Variants in TMC1 observed in about 807,000 individuals in gnomAD.
The protein encoded by TMC1 is transmembrane channel-like protein 1.
TMC1 carries 84 observed loss-of-function variants against 105.8 expected under a neutral mutation model. That is an observed-to-expected ratio of 0.79 (90% CI 0.67 to 0.95). The LOEUF (loss-of-function observed/expected upper bound fraction) is 0.95. Among genes scored for constraint, TMC1 ranks in the 40% least tolerant of loss-of-function variants. The pLI, the probability that TMC1 is intolerant of heterozygous loss-of-function variation, is 0.00. For synonymous variants in TMC1, 315 were observed against 311.5 expected (o/e 1.01, Z -0.12); for missense variants, 817 against 914.1 (o/e 0.89, Z 1.37).
At chr9:72,615,703 A>T (rs1394255619) in intron 2 of TMC1, among the ~76,000 whole-genome samples, 3 of 152,052 alleles carry the variant, frequency 2.0e-5, no homozygotes, top group Non-Finnish European at 4.4e-5. Context: ...ATACTCCCCA[A>T]ATTCACAGAA....
intron 5 of TMC1, chr9:72,651,177 A>G (rs920465549): frequency 2.6e-5 from 4 of 151,372 alleles, no homozygotes; most frequent in African/African-American, 4.9e-5. Flanking sequence ...GGACAGAACA[A>G]GTCAACTGGC....
chr9:72,554,282 A>G (rs1823897461), intron 1 of TMC1, among the ~76,000 whole-genome samples: 1 of 152,046 alleles, frequency 6.6e-6, no homozygotes, highest in Non-Finnish European at 1.5e-5. Context: ...TTTTCCTTAA[A>G]TTTTTGCCCC....
intron 8 of TMC1, among the ~76,000 whole-genome samples, chr9:72,733,084 A>C (rs999253141): frequency 1.3e-5 from 2 of 152,158 alleles, no homozygotes; most frequent in Non-Finnish European, 1.5e-5. Context: ...ACAGAATTTA[A>C]TACGATGTTG....
At chr9:72,778,031 C>A (rs753892568) in intron 13 of TMC1, among the ~76,000 whole-genome samples, 8 of 152,206 alleles carry the variant, frequency 5.3e-5, no homozygotes, top group Non-Finnish European at 1.2e-4. Flanking sequence ...TCATGGTGAG[C>A]AAAATAAAGT....
chr9:72,596,411 A>T (rs1824720545), intron 2 of TMC1, among the ~76,000 whole-genome samples: 1 of 152,082 alleles, frequency 6.6e-6, no homozygotes, highest in South Asian at 2.1e-4. Flanking sequence ...AGAACTAATC[A>T]TGTTGTCCCA....
chr9:72,808,097 G>A (rs1246593865), intron 18 of TMC1, among the ~76,000 whole-genome samples: 1 of 152,202 alleles, frequency 6.6e-6, no homozygotes, highest in Non-Finnish European at 1.5e-5. Context: ...AAATCTTCCA[G>A]TGGCTTCTCA....
At chr9:72,573,540 GA>G (rs1453093663) in intron 1 of TMC1, among the ~76,000 whole-genome samples, 2 of 152,170 alleles carry the variant, frequency 1.3e-5, no homozygotes, top group East Asian at 3.9e-4. Context: ...GTAAACTTTG[GA>G]AGAGAACATA....
rs139603567 is a variant in TMC1, at chr9:72,638,881, G to A, written c.-52-9716G>A. On this transcript the variant is annotated intron_variant, in intron 4 of 23. Transcript: ENST00000297784. ...ATTCCTTCTCACTCCCTGCAAATTAGTGGCATTTTAGTTTACTTAAATGCA... is the reference window on the plus strand; with the variant it reads ...ATTCCTTCTCACTCCCTGCAAATTAATGGCATTTTAGTTTACTTAAATGCA... Among the ~76,000 whole-genome samples, 536 of 152,180 alleles carry A rather than the reference G, an allele frequency of 3.5e-3. 2 individuals carry two copies. Among genetic ancestry groups the A allele is most frequent in the Non-Finnish European group, 6.3e-3 (430 of 68,006 alleles).
intron 3 of TMC1, among the ~76,000 whole-genome samples, chr9:72,618,180 C>G (rs1455097174): frequency 6.6e-6 from 1 of 151,734 alleles, no homozygotes. Context: ...AGGTGCCCAC[C>G]ACCACGCCCG....
intron 12 of TMC1, among the ~76,000 whole-genome samples, chr9:72,770,608 A>G (rs1473457846): frequency 1.3e-5 from 2 of 151,668 alleles, no homozygotes; most frequent in Non-Finnish European, 2.9e-5. Flanking sequence ...ATAAGTTAAT[A>G]TAAATAATAG....
rs1564499726 is a variant in TMC1 at position 72,700,590 on chromosome 9, T to G, written c.309T>G (p.Ile103Met). Residue 103 changes from isoleucine (I) to methionine (M), a missense_variant, in exon 8 of 24, where the codon ATT becomes ATG. Physicochemically the swap from Ile to Met is conservative, Grantham distance 10 (BLOSUM62 1). Transcript: ENST00000297784. ...KAELDEKRQI[I>M]ATVKCKPWKM... ...AGTTAGATGAGAAAAGACAAATAAT[T>G]GCTACTGTCAAATGCAAACCATGGA... 2.5e-6 allele frequency: 4 copies of G among 1,608,848 alleles called. No homozygotes were observed. Among genetic ancestry groups the G allele is most frequent in the Admixed American group, 1.7e-5 (1 of 59,822 alleles).
rs181692432 is a variant in TMC1, at chr9:72,685,241, G to T, written c.17-3468G>T. 3.2e-3 allele frequency among the ~76,000 whole-genome samples: 487 copies of T among 151,032 alleles called. 4 individuals carry two copies. Among genetic ancestry groups the T allele is most frequent in the African/African-American group, 0.011 (452 of 41,126 alleles). On this transcript the variant is annotated intron_variant, in intron 5 of 23. Transcript: ENST00000297784. ...CCTGTTTCAGCCTCCCGAGTAGCTGGGACTACAGGCGCCCACCACCACACC... is the reference window on the plus strand; with the variant it reads ...CCTGTTTCAGCCTCCCGAGTAGCTGTGACTACAGGCGCCCACCACCACACC...
At chr9:72,638,300 C>A (rs1180550296) in intron 4 of TMC1, among the ~76,000 whole-genome samples, 1 of 152,184 alleles carries the variant, frequency 6.6e-6, no homozygotes, top group Non-Finnish European at 1.5e-5. Context: ...TGCATTCATT[C>A]CCTGAGTAAC....
At chr9:72,754,988 TAAGA>T (rs1827649565) in intron 12 of TMC1, 104 bp downstream of exon 12, 1 of 694,082 alleles carries the variant, frequency 1.4e-6, no homozygotes, top group Non-Finnish European at 2.5e-6. Flanking sequence ...CTGAATGTCT[TAAGA>T]AAGACGTCCC....
chr9:72,637,879 G>A (rs1163608150), intron 4 of TMC1, among the ~76,000 whole-genome samples: 1 of 152,216 alleles, frequency 6.6e-6, no homozygotes, highest in Non-Finnish European at 1.5e-5. Context: ...CAGTAATAAG[G>A]AATCATGGAT....
At chr9:72,530,336 G>A (rs1167640446) in intron 1 of TMC1, among the ~76,000 whole-genome samples, 1 of 151,994 alleles carries the variant, frequency 6.6e-6, no homozygotes, top group Admixed American at 6.6e-5. Context: ...ACCACACCTG[G>A]CTAATTTTTT....
At chr9:72,658,868 C>G (rs748252791) in intron 5 of TMC1, among the ~76,000 whole-genome samples, 7 of 152,132 alleles carry the variant, frequency 4.6e-5, no homozygotes, top group Non-Finnish European at 1.0e-4. Context: ...AGTGAAGATT[C>G]CCTCAGGGAA....
intron 7 of TMC1, among the ~76,000 whole-genome samples, chr9:72,695,148 T>C (rs576587850): frequency 1.3e-5 from 2 of 152,252 alleles, no homozygotes; most frequent in South Asian, 4.1e-4. Context: ...CAAAGGGTCA[T>C]TAATAAAAAG....
At chr9:72,579,770 C>T (rs994109903) in intron 2 of TMC1, among the ~76,000 whole-genome samples, 4 of 151,938 alleles carry the variant, frequency 2.6e-5, no homozygotes, top group Non-Finnish European at 4.4e-5. Flanking sequence ...GTTTGTAATC[C>T]CAGCACTTTG....
Sources: allele counts gnomAD v4.1 joint callset (sites outside exome capture counted in the v4.1 genomes callset), GRCh38; gene constraint gnomAD v4.1.1; transcripts MANE v1.5; gene names NCBI Gene and HGNC (gene_info 2026-07-23, HGNC 2026-07-21).